The following BEGAIN variants were observed in gnomAD, a reference collection of about 807,000 sequenced individuals.
The protein encoded by BEGAIN is brain-enriched guanylate kinase-associated protein.
Under a neutral mutation model 35.8 loss-of-function variants are expected in BEGAIN, and 19 were observed. That is an observed-to-expected ratio of 0.53 (90% CI 0.37 to 0.78). The LOEUF (loss-of-function observed/expected upper bound fraction) is 0.78. Ranked by LOEUF, BEGAIN falls within the 30% of genes least tolerant of loss-of-function variation. The probability of loss-of-function intolerance (pLI) is 0.00; values close to 1 mark genes in which losing one functional copy is unlikely to be tolerated. For synonymous variants in BEGAIN, 462 were observed against 388.6 expected (o/e 1.19, Z -2.22); for missense variants, 795 against 853.6 (o/e 0.93, Z 0.85).
Position 100,538,894 on chromosome 14 carries a change from G to A in BEGAIN, c.914C>T (p.Ala305Val), listed in dbSNP as rs894262513. 1 of 1,607,796 alleles carries A rather than the reference G, an allele frequency of 6.2e-7. No individual in the cohort carries two copies. The highest frequency in any genetic ancestry group is 1.3e-5 in the African/African-American group (1 of 74,866). ...CAGTGAGCCTGCGTAGCTGGGGAAG[G>A]CCTCATGCTGGAAGCCCGCCGGGAA... The part of the protein sequence containing the change: ...AAFPAGFQHE[A>V]FPSYAGSLPT... Residue 305 changes from alanine (A) to valine (V), a missense_variant, in exon 7 of 7, where the codon GCC becomes GTC. Physicochemically the swap from Ala to Val is moderately conservative, Grantham distance 64. Transcript: ENST00000554140.
At chr14:100,565,018 C>T (rs1480366424) in intron 2 of BEGAIN, among the ~76,000 whole-genome samples, 1 of 152,196 alleles carries the variant, frequency 6.6e-6, no homozygotes, top group East Asian at 1.9e-4. Context: ...TTCCCAATAC[C>T]CCAGGCCAGG....
At position 100,537,759 on chromosome 14, in the gene BEGAIN, C is replaced by T; in HGVS notation, c.*210G>A. ...GTGAAAAACGCTCTAAGTGGAGTTC[C>T]ACGGGCCGGGGCCGGGTGGACACCG... On this transcript the variant is annotated 3_prime_UTR_variant, in exon 7 of 7. Coordinates refer to ENST00000554140, the MANE Select transcript of BEGAIN (RefSeq NM_001385089.1). 1 of 646,474 alleles carries T rather than the reference C, an allele frequency of 1.5e-6. No homozygotes were observed. The highest frequency in any genetic ancestry group is 2.4e-6 in the Non-Finnish European group (1 of 416,154). The allele number at this position is 646,474 out of a possible 1,614,324, so 40.0% of individuals were successfully genotyped here. A position where few individuals can be genotyped will look rare whatever the true frequency, so the allele number is the denominator to read the frequency against.
Position 100,537,785 on chromosome 14 carries a change from T to G in BEGAIN, c.*184A>C. 7.9e-6 allele frequency: 7 copies of G among 883,492 alleles called. No homozygotes were observed. The highest frequency in any genetic ancestry group is 1.1e-5 in the Non-Finnish European group (7 of 622,710). 54.7% of individuals were successfully genotyped at this position (883,492 alleles called of 1,614,324 possible). ...ACGGGCCGGGGCCGGGTGGACACCGTGGTGTGGGGGACCCTCCCCTCAGGC... is the reference window on the plus strand; with the variant it reads ...ACGGGCCGGGGCCGGGTGGACACCGGGGTGTGGGGGACCCTCCCCTCAGGC... On this transcript the variant is annotated 3_prime_UTR_variant, in exon 7 of 7. Coordinates refer to ENST00000554140, the MANE Select transcript of BEGAIN (RefSeq NM_001385089.1).
intron 1 of BEGAIN, among the ~76,000 whole-genome samples, chr14:100,574,468 G>A (rs2035159190): frequency 6.6e-6 from 1 of 151,704 alleles, no homozygotes; most frequent in Non-Finnish European, 1.5e-5. Flanking sequence ...CTGGCCTCCC[G>A]GAGCTAAATC....
Position 100,558,503 on chromosome 14 carries a change from A to C in BEGAIN, c.71+9408T>G, listed in dbSNP as rs2139627908. ...TTCCCTGGGTGCACTCACCAGTGGC[A>C]ACCCTAGCCAGCAAATACCATCTCT... On this transcript the variant is annotated intron_variant, in intron 2 of 6. Coordinates refer to ENST00000554140, the MANE Select transcript of BEGAIN (RefSeq NM_001385089.1). This position sits in a 1 kb window ranked among gnomAD's most constrained non-coding sequence, Gnocchi z 4.6. Among the ~76,000 whole-genome samples the C allele has an allele frequency of 6.6e-6, 1 of 152,260 alleles. No homozygotes were observed.
chr14:100,566,708 G>A (rs1243139967), intron 2 of BEGAIN, among the ~76,000 whole-genome samples: 2 of 152,198 alleles, frequency 1.3e-5, no homozygotes, highest in Non-Finnish European at 2.9e-5. Flanking sequence ...TGGCTGATGG[G>A]TATCAGGTAT....
At chr14:100,572,917 G>A (rs942511201) in intron 1 of BEGAIN, among the ~76,000 whole-genome samples, 1 of 152,034 alleles carries the variant, frequency 6.6e-6, no homozygotes, top group Non-Finnish European at 1.5e-5. Flanking sequence ...TGTTCTGGGG[G>A]ATTCAGCACT....
chr14:100,555,159 C>G, intron 2 of BEGAIN, among the ~76,000 whole-genome samples: 1 of 152,382 alleles, frequency 6.6e-6, no homozygotes, highest in East Asian at 1.9e-4. Flanking sequence ...GGCCCAGGGC[C>G]GAGTCCTCGC....
In BEGAIN at chr14:100,567,832, C is replaced by A; in HGVS notation, c.71+79G>T. The A allele has an allele frequency of 4.3e-6, 6 of 1,390,782 alleles. No individual in the cohort carries two copies. Among genetic ancestry groups the A allele is most frequent in the Admixed American group, 2.5e-5 (1 of 40,742 alleles). The allele number at this position is 1,390,782 out of a possible 1,614,324, so 86.2% of individuals were successfully genotyped here. ...CCTGGGGGATGCGCTCGGGTGGAGC[C>A]CCCTTCCCCCGCCTTCCCCAGCGCC... On this transcript the variant is annotated intron_variant, in intron 2 of 6. Transcript: ENST00000554140. This position sits in a 1 kb window ranked among gnomAD's most constrained non-coding sequence, Gnocchi z 5.1.
Position 100,538,087 on chromosome 14 carries a change from T to C in BEGAIN, c.1721A>G (p.Glu574Gly), listed in dbSNP as rs929688340. The C allele has an allele frequency of 1.9e-6, 3 of 1,586,934 alleles. No individual in the cohort carries two copies. Among genetic ancestry groups the C allele is most frequent in the Non-Finnish European group, 2.6e-6 (3 of 1,168,500 alleles). Residue 574 changes from glutamate (E) to glycine (G), a missense_variant, in exon 7 of 7, where the codon GAA becomes GGA. Physicochemically the swap from Glu to Gly is moderately conservative, Grantham distance 98. Around this residue, in one of 3 missense-constraint regions of BEGAIN, gnomAD observed 664 missense variants for 647.7 expected, o/e 1.03. Coordinates refer to ENST00000554140, the MANE Select transcript of BEGAIN (RefSeq NM_001385089.1). ...LEPSSMEASP[E>G]MHPAARLSPQ... ...GCTGAGGCGGGCGGCAGGATGCATT[T>C]CCGGGGAGGCCTCCATGGAGCTCGG...
chr14:100,545,318 A>C, intron 3 of BEGAIN: 1 of 1,340,658 alleles, frequency 7.5e-7, no homozygotes, highest in Non-Finnish European at 9.6e-7. Flanking sequence ...GGACCCCCTG[A>C]AGATGGGAAG....
intron 3 of BEGAIN, chr14:100,545,391 T>A (rs1224841464): frequency 2.6e-6 from 3 of 1,164,556 alleles, no homozygotes; most frequent in Admixed American, 8.5e-5. Flanking sequence ...TTACTCACAT[T>A]TGACCCACAA....
Position 100,567,157 on chromosome 14 carries a change from C to G in BEGAIN, c.71+754G>C, listed in dbSNP as rs984167354. On this transcript the variant is annotated intron_variant, in intron 2 of 6. Transcript: ENST00000554140. The surrounding 1 kb of genome is among the most constrained non-coding windows in gnomAD (Gnocchi z 5.1). ...CTGCCGCCCACACAACGCCTCGGCT[C>G]AGGCTCCGGAAGGAAAACACGGGAG... Among the ~76,000 whole-genome samples the G allele has an allele frequency of 1.3e-5, 2 of 152,204 alleles. No homozygotes were observed. Among genetic ancestry groups the G allele is most frequent in the African/African-American group, 2.4e-5 (1 of 41,446 alleles).
In BEGAIN at chr14:100,558,481, C is replaced by T. The variant is rs1449733382; in HGVS notation, c.71+9430G>A. On this transcript the variant is annotated intron_variant, in intron 2 of 6. Transcript: ENST00000554140. This position sits in a 1 kb window ranked among gnomAD's most constrained non-coding sequence, Gnocchi z 4.6. ...GGATCTGGCCTCCGGCATCTCCTTC[C>T]CTGGGTGCACTCACCAGTGGCAACC... Among the ~76,000 whole-genome samples, 1 of 152,188 alleles carries T rather than the reference C, an allele frequency of 6.6e-6. No individual in the cohort carries two copies. The highest frequency in any genetic ancestry group is 1.5e-5 in the Non-Finnish European group (1 of 68,032).
Position 100,567,457 on chromosome 14 carries a change from G to C in BEGAIN, c.71+454C>G, listed in dbSNP as rs1448650931. Among the ~76,000 whole-genome samples the C allele has an allele frequency of 6.8e-6, 1 of 146,112 alleles. No individual in the cohort carries two copies. The highest frequency in any genetic ancestry group is 1.5e-5 in the Non-Finnish European group (1 of 66,190). ...AGAGGCGGACACTTAAAAGCTCAGA[G>C]CCAGGCAACTGGCAGCCCGGGGGCT... On this transcript the variant is annotated intron_variant, in intron 2 of 6. Coordinates refer to ENST00000554140, the MANE Select transcript of BEGAIN (RefSeq NM_001385089.1). This position sits in a 1 kb window ranked among gnomAD's most constrained non-coding sequence, Gnocchi z 5.1.
chr14:100,550,589 G>A (rs780222881), intron 2 of BEGAIN: 7 of 398,358 alleles, frequency 1.8e-5, no homozygotes, highest in Non-Finnish European at 2.2e-5. Context: ...CACCATCAGG[G>A]GCACAGCCAC....
chr14:100,550,150 C>T (rs1448937553), intron 2 of BEGAIN, among the ~76,000 whole-genome samples: 2 of 152,228 alleles, frequency 1.3e-5, no homozygotes, highest in African/African-American at 4.8e-5. Flanking sequence ...GCCCAGCTCC[C>T]CTGGCACATG....
At chr14:100,575,741 G>A (rs541949119) in intron 1 of BEGAIN, among the ~76,000 whole-genome samples, 70 of 152,216 alleles carry the variant, frequency 4.6e-4, no homozygotes, top group Non-Finnish European at 7.4e-4. Context: ...GCCACCTCCC[G>A]CTTCAAGGAG....
intron 1 of BEGAIN, among the ~76,000 whole-genome samples, chr14:100,584,731 G>A (rs746261614): frequency 3.9e-5 from 6 of 152,154 alleles, no homozygotes; most frequent in Non-Finnish European, 8.8e-5. Context: ...CTGATACGGA[G>A]CCCTAGAGAG....
Sources: allele counts gnomAD v4.1 joint callset (sites outside exome capture counted in the v4.1 genomes callset), GRCh38; gene constraint gnomAD v4.1.1; regional missense constraint gnomAD v4.1.1; non-coding constraint Gnocchi (gnomAD v3.1); transcripts MANE v1.5; gene names NCBI Gene and HGNC (gene_info 2026-07-23, HGNC 2026-07-21).